FRMD8: variants seen among roughly 807,000 people sequenced by gnomAD.
The protein encoded by FRMD8 is FERM domain-containing protein 8.
A neutral mutation model predicts 54.2 loss-of-function variants in FRMD8; 37 were observed. The observed-to-expected ratio is 0.68, with a 90% CI of 0.53 to 0.90. The LOEUF (loss-of-function observed/expected upper bound fraction) is 0.90. Ranked by LOEUF, FRMD8 falls within the 40% of genes least tolerant of loss-of-function variation. The probability of loss-of-function intolerance (pLI) is 0.00; values close to 1 mark genes in which losing one functional copy is unlikely to be tolerated. For missense variants in FRMD8, 585 were observed against 653.7 expected, an observed-to-expected ratio of 0.89 and a Z score of 1.15; for synonymous variants, 246 against 286.9, an observed-to-expected ratio of 0.86 and a Z score of 1.44.
chr11:65,400,026 G>A lies in FRMD8; in HGVS notation c.927+167G>A, dbSNP rs1856038936. 2.6e-6 allele frequency: 2 copies of A among 781,784 alleles called. No homozygotes were observed. Among genetic ancestry groups the A allele is most frequent in the African/African-American group, 3.6e-5 (2 of 56,142 alleles). 48.4% of individuals were successfully genotyped at this position (781,784 alleles called of 1,614,324 possible). ...TCGTAGCCCCTGAGGGTGATCCTGG[G>A]TCCTCTTGCCCAACATGCTAGGCTG... is the stretch of plus-strand genomic sequence containing the variant. On this transcript the variant is annotated intron_variant, in intron 8 of 10. Transcript: ENST00000317568. The surrounding 1 kb of genome is among the most constrained non-coding windows in gnomAD (Gnocchi z 4.3).
intron 2 of FRMD8, chr11:65,387,360 A>G (rs752784150): frequency 1.4e-5 from 9 of 631,786 alleles, no homozygotes; most frequent in Middle Eastern, 3.8e-4. Flanking sequence ...GTGAAATTCA[A>G]ATGAGATTAT....
chr11:65,389,245 C>A, intron 2 of FRMD8, 116 bp from the exon 3 acceptor site: 1 of 984,476 alleles, frequency 1.0e-6, no homozygotes, highest in Non-Finnish European at 1.6e-6. Flanking sequence ...CTGGTCACCC[C>A]TGAGGGGTGT....
the FRMD8 span, among the ~76,000 whole-genome samples, chr11:65,369,659 G>A: frequency 2.0e-5 from 3 of 151,928 alleles, no homozygotes; most frequent in Non-Finnish European, 2.9e-5. Context: ...GAACCAGGGA[G>A]GTGGGTTACA....
intron 10 of FRMD8, among the ~76,000 whole-genome samples, chr11:65,405,627 A>T: frequency 6.6e-6 from 1 of 152,072 alleles, no homozygotes; most frequent in South Asian, 2.1e-4. Context: ...CGTCTCAAAA[A>T]TAAATAAATA....
At chr11:65,408,123 G>A (rs1300470655) in intron 10 of FRMD8, among the ~76,000 whole-genome samples, 1 of 148,360 alleles carries the variant, frequency 6.7e-6, no homozygotes, top group Non-Finnish European at 1.5e-5. Flanking sequence ...TGCCCAGGCT[G>A]GAGTGAAATG....
At chr11:65,380,346 C>G in the FRMD8 span, 1 of 1,014,504 alleles carries the variant, frequency 9.9e-7, no homozygotes, top group Non-Finnish European at 1.4e-6. Context: ...CCCCTGCCAC[C>G]CCCTCCACAC....
intron 9 of FRMD8, among the ~76,000 whole-genome samples, chr11:65,402,353 C>CAAAAA (rs879926518): frequency 8.4e-6 from 1 of 119,158 alleles, no homozygotes. Context: ...GACTCTGTCT[C>CAAAAA]AAAAAAAAAA....
At chr11:65,406,290 G>C (rs1395422015) in intron 10 of FRMD8, among the ~76,000 whole-genome samples, 1 of 151,680 alleles carries the variant, frequency 6.6e-6, no homozygotes, top group Non-Finnish European at 1.5e-5. Context: ...CACCTCCTGG[G>C]TTCACGCCAT....
chr11:65,368,414 T>G, the FRMD8 span, among the ~76,000 whole-genome samples: 2 of 151,846 alleles, frequency 1.3e-5, no homozygotes, highest in Non-Finnish European at 2.9e-5. Flanking sequence ...TCTCGCTATG[T>G]TTTCCAGGCT....
In FRMD8 at chr11:65,412,102, T is replaced by C. The variant is rs1323687090; in HGVS notation, c.*742T>C. Reference sequence around the variant, plus strand: ...TACCAGAAAGAGCATGCCTTTCTGATAGCCTTTGGTGATGTCACTGCTGGG... The same window carrying C: ...TACCAGAAAGAGCATGCCTTTCTGACAGCCTTTGGTGATGTCACTGCTGGG... On this transcript the variant is annotated 3_prime_UTR_variant, in exon 11 of 11. Transcript: ENST00000317568. The C allele has an allele frequency of 6.6e-6, 1 of 152,252 alleles. No homozygotes were observed. The highest frequency in any genetic ancestry group is 2.4e-5 in the African/African-American group (1 of 41,458). The allele number at this position is 152,252 out of a possible 1,614,324, so 9.4% of individuals were successfully genotyped here. A position where few individuals can be genotyped will look rare whatever the true frequency, so the allele number is the denominator to read the frequency against.
At chr11:65,377,204 C>T in the FRMD8 span, 2 of 1,448,376 alleles carry the variant, frequency 1.4e-6, no homozygotes, top group Non-Finnish European at 1.8e-6. Context: ...CTGCCGGCAC[C>T]CAGCCTCTCA....
rs1249794904 is a variant in FRMD8, at chr11:65,400,710, C to G, written c.928-14C>G. On this transcript the variant is annotated splice_polypyrimidine_tract_variant and intron_variant, in intron 8 of 10. Transcript: ENST00000317568. This position sits in a 1 kb window ranked among gnomAD's most constrained non-coding sequence, Gnocchi z 4.3. ...CCAGGGGTCAAGCCTGGCTCTGTGT[C>G]TCCTGCTGGCCAGCATGTCCTGCTG... 1 of 1,567,396 alleles carries G rather than the reference C, an allele frequency of 6.4e-7. No homozygotes were observed. Among genetic ancestry groups the G allele is most frequent in the African/African-American group, 1.3e-5 (1 of 74,424 alleles).
chr11:65,377,168 C>T, the FRMD8 span: 1 of 1,490,010 alleles, frequency 6.7e-7, no homozygotes, highest in Non-Finnish European at 8.9e-7. Flanking sequence ...AGGCAGGGGG[C>T]CACATCTTCC....
At chr11:65,387,935 G>A (rs1855766129) in intron 2 of FRMD8, among the ~76,000 whole-genome samples, 1 of 152,158 alleles carries the variant, frequency 6.6e-6, no homozygotes, top group Middle Eastern at 3.4e-3. Context: ...AGGCCGAGGC[G>A]GGTGGATCAC....
At chr11:65,388,009 T>G (rs1354018204) in intron 2 of FRMD8, among the ~76,000 whole-genome samples, 7 of 151,994 alleles carry the variant, frequency 4.6e-5, no homozygotes, top group Middle Eastern at 3.2e-3. Context: ...CTACTAAAAA[T>G]GCAAATTAGC....
chr11:65,370,013 G>A, the FRMD8 span, among the ~76,000 whole-genome samples: 2 of 150,912 alleles, frequency 1.3e-5, no homozygotes, highest in Non-Finnish European at 1.5e-5. Context: ...CCTGGGCAAC[G>A]AGAGTAAAAC....
the FRMD8 span, chr11:65,376,962 C>T: frequency 6.2e-7 from 1 of 1,613,102 alleles, no homozygotes; most frequent in African/African-American, 1.3e-5. Context: ...AAGATGGAGG[C>T]TGCACAGTGC....
intron 9 of FRMD8, among the ~76,000 whole-genome samples, chr11:65,402,013 G>A (rs754878891): frequency 1.1e-4 from 16 of 151,832 alleles, no homozygotes; most frequent in Admixed American, 2.6e-4. Flanking sequence ...GTTCATGTTC[G>A]TGTTTACAGA....
At chr11:65,388,867 G>A (rs1480929130) in intron 2 of FRMD8, among the ~76,000 whole-genome samples, 2 of 152,198 alleles carry the variant, frequency 1.3e-5, no homozygotes, top group Admixed American at 1.3e-4. Context: ...ACAGCAGCGG[G>A]TTACCAGCTC....
Sources: allele counts gnomAD v4.1 joint callset (sites outside exome capture counted in the v4.1 genomes callset), GRCh38; gene constraint gnomAD v4.1.1; non-coding constraint Gnocchi (gnomAD v3.1); transcripts MANE v1.5; gene names NCBI Gene and HGNC (gene_info 2026-07-23, HGNC 2026-07-21).